Variants in CALCRL observed in about 807,000 individuals in gnomAD.
CALCRL encodes calcitonin gene-related peptide type 1 receptor.
In CALCRL, 27 loss-of-function variants were observed where a neutral mutation model predicts 60.4. The observed-to-expected ratio is 0.45, with a 90% CI of 0.33 to 0.62. The LOEUF (loss-of-function observed/expected upper bound fraction) is 0.62. Among genes scored for constraint, CALCRL ranks in the 20% least tolerant of loss-of-function variants. The pLI is 0.03. For missense variants in CALCRL, 424 were observed against 540.7 expected (o/e 0.78, Z 2.14); for synonymous variants, 190 against 182.6 (o/e 1.04, Z -0.33).
chr2:187,350,379 A>T (rs548523061), intron 14 of CALCRL, among the ~76,000 whole-genome samples: 75 of 151,628 alleles, frequency 4.9e-4, no homozygotes, highest in Non-Finnish European at 8.3e-4. Flanking sequence ...AATAAAATCT[A>T]TTTGAATTTT....
At chr2:187,440,917 T>G (rs1690877879) in intron 1 of CALCRL, among the ~76,000 whole-genome samples, 1 of 152,042 alleles carries the variant, frequency 6.6e-6, no homozygotes, top group South Asian at 2.1e-4. Flanking sequence ...TTTAGGAAAA[T>G]CATTATATGA....
At chr2:187,364,300 A>G (rs1229418841) in intron 8 of CALCRL, among the ~76,000 whole-genome samples, 1 of 152,118 alleles carries the variant, frequency 6.6e-6, no homozygotes, top group Non-Finnish European at 1.5e-5. Flanking sequence ...TTCAAGCGCT[A>G]CTTCCTTTAT....
rs533350817 is a variant in CALCRL, at chr2:187,419,136, G to T, written c.-293+28903C>A. ...GATCCACCCGCCTCGGACTTCCAAA[G>T]TGCTGGGATTACAGGCATGAGCCAC... On this transcript the variant is annotated intron_variant, in intron 1 of 14. Coordinates refer to ENST00000392370, the MANE Select transcript of CALCRL (RefSeq NM_005795.6). Among the ~76,000 whole-genome samples the T allele has an allele frequency of 2.7e-4, 40 of 149,856 alleles. No individual in the cohort carries two copies. The South Asian group carries it at 7.6e-3, about 28-fold the overall frequency.
chr2:187,405,362 TAAGG>T (rs1689071128), intron 1 of CALCRL, among the ~76,000 whole-genome samples: 1 of 152,034 alleles, frequency 6.6e-6, no homozygotes, highest in South Asian at 2.1e-4. Flanking sequence ...TTAGCGTGAA[TAAGG>T]ATGGGCACTG....
chr2:187,378,542 T>C (rs1308953253), intron 8 of CALCRL, among the ~76,000 whole-genome samples: 2 of 152,254 alleles, frequency 1.3e-5, no homozygotes, highest in South Asian at 4.1e-4. Flanking sequence ...ATATGTTAAA[T>C]GCCTTTGCTA....
At chr2:187,392,073 C>G (rs1688470084) in intron 1 of CALCRL, among the ~76,000 whole-genome samples, 2 of 152,066 alleles carry the variant, frequency 1.3e-5, no homozygotes, top group Non-Finnish European at 2.9e-5. Context: ...CCTGAACATG[C>G]ACCAGTGCCT....
chr2:187,402,525 T>C (rs1463144982), intron 1 of CALCRL, among the ~76,000 whole-genome samples: 3 of 151,594 alleles, frequency 2.0e-5, no homozygotes, highest in South Asian at 4.2e-4. Context: ...AGATGCAGGA[T>C]ACATGAGATG....
At chr2:187,396,177 C>CA (rs199696572) in intron 1 of CALCRL, among the ~76,000 whole-genome samples, 14 of 92,366 alleles carry the variant, frequency 1.5e-4, no homozygotes, top group South Asian at 7.1e-4. Flanking sequence ...ATATCTAGGC[C>CA]AAAAAAAATA....
Position 187,352,195 on chromosome 2 carries a change from A to G in CALCRL, c.1047T>C (p.Phe349=). 1 of 1,612,506 alleles carries G rather than the reference A, an allele frequency of 6.2e-7. No homozygotes were observed. The highest frequency in any genetic ancestry group is 8.5e-7 in the Non-Finnish European group (1 of 1,178,978). Residue 349 remains phenylalanine (F), a synonymous_variant, in exon 13 of 15, where the codon TTT becomes TTC. Transcript: ENST00000392370. ...LILVPLLGIE[F]VLIPWRPEGK... ...CTTCAGGTCGCCATGGAATCAGCAC[A>G]AATTCAATGCCAAGCAATGGCACCA...
intron 8 of CALCRL, among the ~76,000 whole-genome samples, chr2:187,372,887 AACC>A (rs1239444141): frequency 6.6e-6 from 1 of 152,186 alleles, no homozygotes; most frequent in African/African-American, 2.4e-5. Flanking sequence ...ATGATTCATG[AACC>A]ATTCAAATTC....
chr2:187,380,824 C>T (rs749770090), intron 5 of CALCRL, 37 bp from the exon 6 acceptor site: 5 of 1,496,376 alleles, frequency 3.3e-6, no homozygotes, highest in Non-Finnish European at 4.6e-6. Context: ...TAATTAAATC[C>T]TTCTACTTAT....
intron 1 of CALCRL, among the ~76,000 whole-genome samples, chr2:187,435,876 G>GTGTGTGTA (rs1270015613): frequency 3.3e-5 from 5 of 151,336 alleles, no homozygotes; most frequent in Non-Finnish European, 2.9e-5. Flanking sequence ...GTGCGTGTGT[G>GTGTGTGTA]TGTGTGTGTG....
intron 1 of CALCRL, among the ~76,000 whole-genome samples, chr2:187,422,699 A>G (rs1381373589): frequency 2.0e-5 from 3 of 151,992 alleles, no homozygotes; most frequent in Admixed American, 6.6e-5. Context: ...TGTCTTTTAG[A>G]AATTATCAGC....
intron 8 of CALCRL, among the ~76,000 whole-genome samples, chr2:187,366,918 CCCCACACACACACACA>C (rs1427228050): frequency 1.0e-3 from 86 of 84,598 alleles, no homozygotes; most frequent in Middle Eastern, 6.7e-3. Flanking sequence ...GTGAGTATAA[CCCCACACACACACACA>C]CACACACACA....
Position 187,346,106 on chromosome 2 carries a change from C to T in CALCRL, c.*78G>A. The T allele has an allele frequency of 1.2e-6, 1 of 837,578 alleles. No individual in the cohort carries two copies. Among genetic ancestry groups the T allele is most frequent in the South Asian group, 1.8e-5 (1 of 55,010 alleles). 51.9% of individuals were successfully genotyped at this position (837,578 alleles called of 1,614,324 possible). A position where few individuals can be genotyped will look rare whatever the true frequency, so the allele number is the denominator to read the frequency against. On this transcript the variant is annotated 3_prime_UTR_variant, in exon 15 of 15. Coordinates refer to ENST00000392370, the MANE Select transcript of CALCRL (RefSeq NM_005795.6). ...TCAAAAAGTCATTTAATATTGAAGT[C>T]TTCTGGCTACAGAGTCATGGGTCCA... is the stretch of plus-strand genomic sequence containing the variant.
At chr2:187,355,271 G>T (rs1322333928) in intron 12 of CALCRL, among the ~76,000 whole-genome samples, 1 of 152,076 alleles carries the variant, frequency 6.6e-6, no homozygotes, top group African/African-American at 2.4e-5. Flanking sequence ...CCAGGATTCA[G>T]TGCTGACTCT....
rs1511884 is a variant in CALCRL at position 187,344,432 on chromosome 2, A to T, written c.*1752T>A. 1 of 150,848 alleles carries T rather than the reference A, an allele frequency of 6.6e-6. No homozygotes were observed. The highest frequency in any genetic ancestry group is 6.6e-5 in the Admixed American group (1 of 15,116). 9.3% of individuals were successfully genotyped at this position (150,848 alleles called of 1,614,324 possible). ...AATTTGTTTCATCCATTTTAATCAG[A>T]TTGACACACTTAAAAAACAGATACC... is the stretch of plus-strand genomic sequence containing the variant. On this transcript the variant is annotated 3_prime_UTR_variant, in exon 15 of 15. Coordinates refer to ENST00000392370, the MANE Select transcript of CALCRL (RefSeq NM_005795.6).
chr2:187,434,476 GT>G (rs1356738452), intron 1 of CALCRL, among the ~76,000 whole-genome samples: 1 of 152,144 alleles, frequency 6.6e-6, no homozygotes, highest in African/African-American at 2.4e-5. Context: ...CAATTAAAAA[GT>G]TTGACAATAA....
chr2:187,377,309 A>C (rs1206853309), intron 8 of CALCRL, among the ~76,000 whole-genome samples: 1 of 152,116 alleles, frequency 6.6e-6, no homozygotes, highest in African/African-American at 2.4e-5. Context: ...TGATCAGGAA[A>C]TGGAATAGAT....
Sources: gnomAD v4.1 joint callset for allele counts (sites outside exome capture counted in the v4.1 genomes callset) on GRCh38, gnomAD v4.1.1 for gene constraint, MANE v1.5 for transcripts, NCBI Gene and HGNC (gene_info 2026-07-23, HGNC 2026-07-21) for gene names.